Variants in ATP8A2 observed in about 807,000 individuals in gnomAD.
ATP8A2 encodes phospholipid-transporting ATPase IB.
Under a neutral mutation model 165.6 loss-of-function variants are expected in ATP8A2, and 100 were observed. The observed-to-expected ratio is 0.60, with a 90% CI of 0.51 to 0.71. The LOEUF is 0.71. ATP8A2 is among the 30% of genes least tolerant of loss of function. ATP8A2 has a pLI of 0.00. For synonymous variants in ATP8A2, 543 were observed against 548.8 expected (o/e 0.99, Z 0.15); for missense variants, 1,227 against 1,479.5 (o/e 0.83, Z 2.80).
chr13:25,907,625 T>C (rs1296133268), intron 33 of ATP8A2, among the ~76,000 whole-genome samples: 2 of 152,202 alleles, frequency 1.3e-5, no homozygotes, highest in Non-Finnish European at 2.9e-5. Flanking sequence ...TAAAACAGCG[T>C]TGATGACATT....
At chr13:25,962,505 A>C (rs1314715733) in intron 34 of ATP8A2, among the ~76,000 whole-genome samples, 1 of 152,220 alleles carries the variant, frequency 6.6e-6, no homozygotes, top group East Asian at 1.9e-4. Context: ...GAAGCGACTA[A>C]GTTCCAAGGT....
At chr13:25,832,588 T>C (rs1198494809) in intron 28 of ATP8A2, among the ~76,000 whole-genome samples, 2 of 152,024 alleles carry the variant, frequency 1.3e-5, no homozygotes, top group African/African-American at 4.8e-5. Flanking sequence ...ATCAAGAAAA[T>C]AAGAAAAACA....
At chr13:25,468,866 C>T (rs945462421) in intron 1 of ATP8A2, 111 bp from the exon 2 acceptor site, 4 of 1,529,206 alleles carry the variant, frequency 2.6e-6, no homozygotes, top group Non-Finnish European at 3.5e-6. Flanking sequence ...CCGCCTCACC[C>T]GAGCATCCTT....
chr13:25,372,087 C>A lies in ATP8A2; in HGVS notation c.-126C>A. 1 of 601,176 alleles carries A rather than the reference C, an allele frequency of 1.7e-6. No homozygotes were observed. Among genetic ancestry groups the A allele is most frequent in the South Asian group, 7.8e-5 (1 of 12,778 alleles). 37.2% of individuals were successfully genotyped at this position (601,176 alleles called of 1,614,324 possible). ...CGGCCCGGCACAGGCGCCGGCGGTCCCCGCCAGCTAGCAGCCCGGCGAGGC... is the reference window on the plus strand; with the variant it reads ...CGGCCCGGCACAGGCGCCGGCGGTCACCGCCAGCTAGCAGCCCGGCGAGGC... On this transcript the variant is annotated 5_prime_UTR_variant, in exon 1 of 37. Transcript: ENST00000381655. This position sits in a 1 kb window ranked among gnomAD's most constrained non-coding sequence, Gnocchi z 4.8.
intron 33 of ATP8A2, among the ~76,000 whole-genome samples, chr13:25,912,155 G>GACACAC (rs3056187): frequency 5.1e-4 from 72 of 141,242 alleles, no homozygotes; most frequent in African/African-American, 1.4e-3. Context: ...GAAAATGTGA[G>GACACAC]ACACACACAC....
Position 26,003,134 on chromosome 13 carries a change from A to T in ATP8A2, c.3378-9397A>T, listed in dbSNP as rs1352048643. 2.0e-5 allele frequency among the ~76,000 whole-genome samples: 3 copies of T among 150,802 alleles called. No homozygotes were observed. In the South Asian group the frequency reaches 6.3e-4, roughly 31 times the overall value. Reference sequence around the variant, plus strand: ...TTCCATAGTAGCTATACTAATTTGTATTCCCATCAACAGTGTACAGGGGTT... The same window carrying T: ...TTCCATAGTAGCTATACTAATTTGTTTTCCCATCAACAGTGTACAGGGGTT... On this transcript the variant is annotated intron_variant, in intron 35 of 36. Transcript: ENST00000381655.
chr13:25,762,294 A>AAAAAAAAAAAAC (rs2044397743), intron 25 of ATP8A2, among the ~76,000 whole-genome samples: 1 of 150,438 alleles, frequency 6.6e-6, no homozygotes, highest in African/African-American at 2.4e-5. Flanking sequence ...AAAAAAAAAA[A>AAAAAAAAAAAAC]AAGCTGTCCC....
intron 23 of ATP8A2, among the ~76,000 whole-genome samples, chr13:25,589,302 C>T (rs1216116227): frequency 6.6e-6 from 1 of 152,106 alleles, no homozygotes; most frequent in Non-Finnish European, 1.5e-5. Context: ...TTAGGGGCAC[C>T]ATTGGGGTCC....
intron 15 of ATP8A2, among the ~76,000 whole-genome samples, chr13:25,563,286 G>C (rs2039214780): frequency 6.6e-6 from 1 of 152,110 alleles, no homozygotes; most frequent in Non-Finnish European, 1.5e-5. Context: ...GTGGCCATCT[G>C]TAATCCCAGC....
At chr13:25,823,790 A>G (rs948542922) in intron 27 of ATP8A2, among the ~76,000 whole-genome samples, 1 of 152,098 alleles carries the variant, frequency 6.6e-6, no homozygotes, top group African/African-American at 2.4e-5. Context: ...CTACTGGCTG[A>G]TTAGGGTATT....
At chr13:25,455,633 G>C (rs984605534) in intron 1 of ATP8A2, among the ~76,000 whole-genome samples, 1 of 152,114 alleles carries the variant, frequency 6.6e-6, no homozygotes, top group South Asian at 2.1e-4. Context: ...ATAAATTCAG[G>C]AAGAGTGCCA....
chr13:25,372,297 G>C lies in ATP8A2; in HGVS notation c.76+9G>C. The C allele has an allele frequency of 3.4e-6, 5 of 1,470,554 alleles. No homozygotes were observed. Among genetic ancestry groups the C allele is most frequent in the Non-Finnish European group, 4.5e-6 (5 of 1,107,984 alleles). The allele number at this position is 1,470,554 out of a possible 1,614,324, so 91.1% of individuals were successfully genotyped here. On this transcript the variant is annotated intron_variant, in intron 1 of 36. Coordinates refer to ENST00000381655, the MANE Select transcript of ATP8A2 (RefSeq NM_016529.6). The surrounding 1 kb of genome is among the most constrained non-coding windows in gnomAD (Gnocchi z 4.8). ...GATCCGCTCGTCCGTGGGTGAGCTGGGAGGGGCGCGGCGAGGGAGGGTGGG... is the reference window on the plus strand; with the variant it reads ...GATCCGCTCGTCCGTGGGTGAGCTGCGAGGGGCGCGGCGAGGGAGGGTGGG...
chr13:26,025,150 A>G lies in ATP8A2; in HGVS notation c.*5165A>G, dbSNP rs1026855542. The G allele has an allele frequency of 3.3e-5, 5 of 152,012 alleles. No individual in the cohort carries two copies. The highest frequency in any genetic ancestry group is 5.9e-5 in the Non-Finnish European group (4 of 68,058). 9.4% of individuals were successfully genotyped at this position (152,012 alleles called of 1,614,324 possible). ...AAAAAAAAAAAAAGGAAGAAAAGAA[A>G]AAAAGGAAACCAGCCCTGTCATGGA... On this transcript the variant is annotated 3_prime_UTR_variant, in exon 37 of 37. Transcript: ENST00000381655.
chr13:25,728,860 G>A (rs139412406), intron 25 of ATP8A2, among the ~76,000 whole-genome samples: 175 of 152,286 alleles, frequency 1.1e-3, no homozygotes, highest in African/African-American at 4.0e-3. Flanking sequence ...GTGTGTGCCC[G>A]AAACTGCTGT....
rs1425751041 is a variant in ATP8A2, at chr13:25,372,471, C to A, written c.76+183C>A. 2.6e-5 allele frequency among the ~76,000 whole-genome samples: 4 copies of A among 152,148 alleles called. No individual in the cohort carries two copies. Among genetic ancestry groups the A allele is most frequent in the Non-Finnish European group, 2.9e-5 (2 of 67,998 alleles). ...GCCGCACGGGGGCTGGGCGTCGCTG[C>A]ACCTGCGGGGCCAAAAGGCTCCAGG... On this transcript the variant is annotated intron_variant, in intron 1 of 36. Transcript: ENST00000381655. The surrounding 1 kb of genome is among the most constrained non-coding windows in gnomAD (Gnocchi z 4.8).
At chr13:25,477,111 A>G (rs1432485781) in intron 2 of ATP8A2, among the ~76,000 whole-genome samples, 1 of 152,210 alleles carries the variant, frequency 6.6e-6, no homozygotes, top group East Asian at 1.9e-4. Context: ...CAAATGTCTA[A>G]GAGGACAGAC....
intron 33 of ATP8A2, among the ~76,000 whole-genome samples, chr13:25,907,749 C>T (rs1953987184): frequency 2.0e-5 from 3 of 152,182 alleles, no homozygotes; most frequent in Non-Finnish European, 2.9e-5. Context: ...CACTCCACTC[C>T]ACCCCTGCTT....
At chr13:25,566,869 G>C (rs1312026494) in intron 16 of ATP8A2, among the ~76,000 whole-genome samples, 1 of 152,236 alleles carries the variant, frequency 6.6e-6, no homozygotes, top group Non-Finnish European at 1.5e-5. Flanking sequence ...ATTCTTAGAA[G>C]CCAGTGTATG....
intron 27 of ATP8A2, among the ~76,000 whole-genome samples, chr13:25,789,664 A>G (rs1184784483): frequency 6.6e-6 from 1 of 152,248 alleles, no homozygotes; most frequent in African/African-American, 2.4e-5. Flanking sequence ...AAAGCAATTT[A>G]TAGATTCTAT....
Sources: gnomAD v4.1 joint callset for allele counts (sites outside exome capture counted in the v4.1 genomes callset) on GRCh38, gnomAD v4.1.1 for gene constraint, Gnocchi (gnomAD v3.1) non-coding constraint, MANE v1.5 for transcripts, NCBI Gene and HGNC (gene_info 2026-07-23, HGNC 2026-07-21) for gene names.